SNTG2: variants seen among roughly 807,000 people sequenced by gnomAD.
The protein encoded by SNTG2 is syntrophin gamma 2, also known as gamma-2-syntrophin.
In SNTG2, 74 loss-of-function variants were observed where a neutral mutation model predicts 70.9. The ratio of observed to expected loss-of-function variants is 1.04; its 90% confidence interval spans 0.86 to 1.27. The LOEUF is 1.27. SNTG2 is among the 50% of genes most tolerant of loss of function. The pLI is 0.00. For missense variants in SNTG2, 717 were observed against 690.7 expected (o/e 1.04, Z -0.43); for synonymous variants, 278 against 273.8 (o/e 1.02, Z -0.15).
chr2:1,149,729 C>T (rs1170104890), intron 6 of SNTG2, among the ~76,000 whole-genome samples: 3 of 141,292 alleles, frequency 2.1e-5, no homozygotes, highest in African/African-American at 8.0e-5. Flanking sequence ...GCTCTGTTGC[C>T]CAGGCTGGAG....
intron 1 of SNTG2, among the ~76,000 whole-genome samples, chr2:1,041,529 A>G (rs1558334735): frequency 6.6e-6 from 1 of 151,888 alleles, no homozygotes; most frequent in Non-Finnish European, 1.5e-5. Flanking sequence ...GCCTGGTGGG[A>G]GGTGTTTGGG....
intron 1 of SNTG2, among the ~76,000 whole-genome samples, chr2:1,037,375 A>G (rs1661190058): frequency 6.6e-6 from 1 of 152,204 alleles, no homozygotes; most frequent in Non-Finnish European, 1.5e-5. Context: ...CACAGATCTG[A>G]GCCAGACATG....
At chr2:1,308,121 C>T (rs1412973566) in intron 14 of SNTG2, among the ~76,000 whole-genome samples, 1 of 152,156 alleles carries the variant, frequency 6.6e-6, no homozygotes, top group Non-Finnish European at 1.5e-5. Context: ...GAAAAGTGAA[C>T]ATATTCCCCA....
At chr2:1,357,441 T>G (rs935096910) in intron 16 of SNTG2, among the ~76,000 whole-genome samples, 23 of 152,184 alleles carry the variant, frequency 1.5e-4, no homozygotes, top group African/African-American at 5.5e-4. Flanking sequence ...TTCCACATAT[T>G]TGTAGAATAT....
chr2:1,211,534 AG>A, intron 9 of SNTG2, among the ~76,000 whole-genome samples: 1 of 152,328 alleles, frequency 6.6e-6, no homozygotes, highest in Admixed American at 6.5e-5. Context: ...TAATTTATAA[AG>A]AAAAAGAGGT....
At chr2:1,225,476 C>A (rs142198139) in intron 9 of SNTG2, among the ~76,000 whole-genome samples, 7 of 152,128 alleles carry the variant, frequency 4.6e-5, no homozygotes, top group Non-Finnish European at 1.0e-4. Flanking sequence ...TAAAGTAAGC[C>A]GCAGAAAAGC....
intron 1 of SNTG2, among the ~76,000 whole-genome samples, chr2:1,077,582 A>G (rs991527346): frequency 6.6e-6 from 1 of 152,054 alleles, no homozygotes; most frequent in Non-Finnish European, 1.5e-5. Flanking sequence ...CGAATATGGT[A>G]TTTTTGTTAC....
At chr2:992,741 C>T (rs985736746) in intron 1 of SNTG2, among the ~76,000 whole-genome samples, 1 of 152,184 alleles carries the variant, frequency 6.6e-6, no homozygotes, top group African/African-American at 2.4e-5. Context: ...AACATATTGT[C>T]TCTTTGAGGC....
chr2:1,048,143 G>T (rs1481710399), intron 1 of SNTG2, among the ~76,000 whole-genome samples: 1 of 151,506 alleles, frequency 6.6e-6, no homozygotes, highest in Non-Finnish European at 1.5e-5. Context: ...ATAGTCATTC[G>T]CATTGTCTCT....
intron 1 of SNTG2, among the ~76,000 whole-genome samples, chr2:1,010,893 G>GC (rs1003554677): frequency 2.0e-5 from 3 of 152,176 alleles, no homozygotes; most frequent in African/African-American, 7.2e-5. Flanking sequence ...TACTGTGTAG[G>GC]CCCTAGAGTC....
chr2:1,142,058 C>T (rs1040855335), intron 6 of SNTG2, among the ~76,000 whole-genome samples: 1 of 152,196 alleles, frequency 6.6e-6, no homozygotes, highest in Non-Finnish European at 1.5e-5. Flanking sequence ...CTCAAACAGA[C>T]TTGGACTTCC....
At chr2:1,028,297 G>T (rs1390189783) in intron 1 of SNTG2, among the ~76,000 whole-genome samples, 20 of 149,662 alleles carry the variant, frequency 1.3e-4, no homozygotes, top group African/African-American at 4.4e-4. Flanking sequence ...GTTGAGTAAA[G>T]AGATAAGCAG....
chr2:1,265,980 G>T (rs905020728), intron 13 of SNTG2, among the ~76,000 whole-genome samples: 3 of 152,158 alleles, frequency 2.0e-5, no homozygotes, highest in African/African-American at 7.2e-5. Flanking sequence ...TCTGGTGGGG[G>T]CTCTTCAGGG....
At chr2:973,980 T>C (rs1479863486) in intron 1 of SNTG2, among the ~76,000 whole-genome samples, 2 of 152,212 alleles carry the variant, frequency 1.3e-5, no homozygotes, top group Non-Finnish European at 2.9e-5. Context: ...ATTTTGAAAT[T>C]TCTGTCTGGT....
chr2:1,231,418 C>T (rs1166284425), intron 9 of SNTG2, among the ~76,000 whole-genome samples: 1 of 152,190 alleles, frequency 6.6e-6, no homozygotes, highest in Non-Finnish European at 1.5e-5. Context: ...TTATTTAGTT[C>T]TCTGTTGTTG....
At chr2:1,212,158 G>A (rs868024795) in intron 9 of SNTG2, among the ~76,000 whole-genome samples, 1 of 152,082 alleles carries the variant, frequency 6.6e-6, no homozygotes, top group Non-Finnish European at 1.5e-5. Context: ...TAGATCATGG[G>A]GCAGATTCTC....
At chr2:1,077,920 C>G (rs1664032484) in intron 1 of SNTG2, among the ~76,000 whole-genome samples, 2 of 152,120 alleles carry the variant, frequency 1.3e-5, no homozygotes, top group Non-Finnish European at 2.9e-5. Flanking sequence ...TACCCGAGAC[C>G]TCCTGGTGCT....
chr2:1,071,650 TAAAAAA>T (rs74164488), intron 1 of SNTG2, among the ~76,000 whole-genome samples: 1 of 37,164 alleles, frequency 2.7e-5, no homozygotes, highest in Non-Finnish European at 4.9e-5. Context: ...AGTATAATAA[TAAAAAA>T]AAAAAAACTA....
chr2:1,197,511 A>ATG (rs1672989947), intron 8 of SNTG2, among the ~76,000 whole-genome samples: 1 of 87,558 alleles, frequency 1.1e-5, no homozygotes, highest in Non-Finnish European at 2.5e-5. Flanking sequence ...GTGTATGTAT[A>ATG]TATATGTGTG....
Sources: gnomAD v4.1 joint callset for allele counts (sites outside exome capture counted in the v4.1 genomes callset) on GRCh38, gnomAD v4.1.1 for gene constraint, MANE v1.5 for transcripts, NCBI Gene and HGNC (gene_info 2026-07-23, HGNC 2026-07-21) for gene names.